The following ACVRL1 variants were observed in gnomAD, a reference collection of about 807,000 sequenced individuals.
The protein encoded by ACVRL1 is activin A receptor like type 1, also known as activin receptor type-1-like.
ACVRL1 carries 20 observed loss-of-function variants against 51.9 expected under a neutral mutation model. The ratio of observed to expected loss-of-function variants is 0.39; its 90% CI spans 0.27 to 0.56. The LOEUF (loss-of-function observed/expected upper bound fraction) is 0.56. Among genes scored for constraint, ACVRL1 ranks in the 20% least tolerant of loss-of-function variants. The probability of loss-of-function intolerance (pLI) is 0.67; values close to 1 mark genes in which losing one functional copy is unlikely to be tolerated. For missense variants in ACVRL1, 451 were observed against 670.3 expected (o/e 0.67, Z 3.61); for synonymous variants, 288 against 280.9 (o/e 1.03, Z -0.25).
rs777861050 is a variant in ACVRL1 at position 51,918,936 on chromosome 12, G to A, written c.1247-49G>A. ...AAAGGCTCTCCTCTGGGTGGTATTG[G>A]GCCTCCTTAGAGTCCCAAGTGATTG... On this transcript the variant is annotated intron_variant, in intron 8 of 9. Transcript: ENST00000388922. The A allele has an allele frequency of 3.1e-6, 5 of 1,613,992 alleles. No individual in the cohort carries two copies. In the African/African-American group the frequency reaches 4.0e-5, roughly 13 times the overall value.
At chr12:51,908,938 G>C (rs772175657) in intron 1 of ACVRL1, among the ~76,000 whole-genome samples, 2 of 152,120 alleles carry the variant, frequency 1.3e-5, no homozygotes, top group African/African-American at 2.4e-5. Context: ...GCATCACCTG[G>C]ATGTTCCACT....
rs779236098 is a variant in ACVRL1, at chr12:51,912,483, G to A, written c.9G>A (p.Leu3=). The A allele has an allele frequency of 7.9e-5, 127 of 1,614,022 alleles. No homozygotes were observed. The Middle Eastern group carries it at 1.8e-3, about 23-fold the overall frequency. MT[L]GSPRKGLLML... is the part of the protein sequence containing the mutation. The stretch of plus-strand genomic sequence containing the variant: ...TCCTCTCTGCAGGGACCATGACCTT[G>A]GGCTCCCCCAGGAAAGGCCTTCTGA... Residue 3 remains leucine (L), a synonymous_variant, in exon 2 of 10, where the codon TTG becomes TTA. Transcript: ENST00000388922.
Position 51,912,552 on chromosome 12 carries a change from C to A in ACVRL1, c.61+17C>A, listed in dbSNP as rs1230259119. The A allele has an allele frequency of 1.3e-6, 2 of 1,595,914 alleles. No homozygotes were observed. Among genetic ancestry groups the A allele is most frequent in the Admixed American group, 3.3e-5 (2 of 59,968 alleles). On this transcript the variant is annotated intron_variant, in intron 2 of 9. Coordinates refer to ENST00000388922, the MANE Select transcript of ACVRL1 (RefSeq NM_000020.3). Reference sequence around the variant, plus strand: ...TGACCCAGGGTGAGTACTGGGGGAGCAGTTAGGAAACAGGAACCTGGATAC... The same window carrying A: ...TGACCCAGGGTGAGTACTGGGGGAGAAGTTAGGAAACAGGAACCTGGATAC...
chr12:51,908,593 C>T (rs922039687), intron 1 of ACVRL1, among the ~76,000 whole-genome samples: 7 of 152,266 alleles, frequency 4.6e-5, no homozygotes, highest in Admixed American at 1.3e-4. Flanking sequence ...GAAAAGGAAA[C>T]AGACATGAAT....
rs1319559991 is a variant in ACVRL1, at chr12:51,923,027, G to A, written c.*2134G>A. The A allele has an allele frequency of 1.3e-5, 2 of 152,630 alleles. No homozygotes were observed. The highest frequency in any genetic ancestry group is 1.3e-4 in the Admixed American group (2 of 15,276). 9.5% of individuals were successfully genotyped at this position (152,630 alleles called of 1,614,324 possible). A position where few individuals can be genotyped will look rare whatever the true frequency, so the allele number is the denominator to read the frequency against. On this transcript the variant is annotated 3_prime_UTR_variant, in exon 10 of 10. Coordinates refer to ENST00000388922, the MANE Select transcript of ACVRL1 (RefSeq NM_000020.3). ...CCCACGAATCATCTCCCTCTTGAAG[G>A]ATTTTATTTCTACTGGGTTTTGGAA... is the stretch of plus-strand genomic sequence containing the variant.
At chr12:51,915,098 ACC>A in intron 6 of ACVRL1, 125 bp from the exon 7 acceptor site, 1 of 1,049,658 alleles carries the variant, frequency 9.5e-7, no homozygotes, top group Non-Finnish European at 1.4e-6. Flanking sequence ...ATCAACCCCC[ACC>A]CCCAGACCTA....
Position 51,912,516 on chromosome 12 carries a change from G to T in ACVRL1, c.42G>T (p.Leu14=). 6.2e-7 allele frequency: 1 copy of T among 1,614,038 alleles called. No homozygotes were observed. The highest frequency in any genetic ancestry group is 8.5e-7 in the Non-Finnish European group (1 of 1,179,882). The change falls in exon 2 of 10, where the codon CTG becomes CTT. Residue 14 remains leucine, a synonymous_variant. Coordinates refer to ENST00000388922, the MANE Select transcript of ACVRL1 (RefSeq NM_000020.3). The part of the protein sequence containing the change: ...GSPRKGLLML[L]MALVTQGDPV... ...CCAGGAAAGGCCTTCTGATGCTGCT[G>T]ATGGCCTTGGTGACCCAGGGTGAGT...
chr12:51,922,539 A>G lies in ACVRL1; in HGVS notation c.*1646A>G, dbSNP rs1941008228. ...TCAATGGCTCTAGAGAGACACACAG[A>G]AAGTTTGGCATTTGGAAATTTCAAG... is the stretch of plus-strand genomic sequence containing the variant. On this transcript the variant is annotated 3_prime_UTR_variant, in exon 10 of 10. Transcript: ENST00000388922. The G allele has an allele frequency of 6.6e-6, 1 of 152,310 alleles. No homozygotes were observed. Among genetic ancestry groups the G allele is most frequent in the Non-Finnish European group, 1.5e-5 (1 of 68,094 alleles). 9.4% of individuals were successfully genotyped at this position (152,310 alleles called of 1,614,324 possible). A position where few individuals can be genotyped will look rare whatever the true frequency, so the allele number is the denominator to read the frequency against.
chr12:51,907,525 C>A lies in ACVRL1; in HGVS notation c.-176C>A, dbSNP rs1182669441. ...CCATCCCAGTCCCGGGAGGCTGCCG[C>A]GCCAGCTGCGCCGAGCGAGCCCCTC... On this transcript the variant is annotated 5_prime_UTR_variant, in exon 1 of 10. Transcript: ENST00000388922. The surrounding 1 kb of genome is among the most constrained non-coding windows in gnomAD (Gnocchi z 4.5). The A allele has an allele frequency of 1.3e-5, 2 of 152,150 alleles. No homozygotes were observed. Among genetic ancestry groups the A allele is most frequent in the African/African-American group, 4.8e-5 (2 of 41,550 alleles). The allele number at this position is 152,150 out of a possible 1,614,324, so 9.4% of individuals were successfully genotyped here.
chr12:51,915,004 A>G (rs1940795842), intron 6 of ACVRL1, among the ~76,000 whole-genome samples: 1 of 152,062 alleles, frequency 6.6e-6, no homozygotes, highest in Non-Finnish European at 1.5e-5. Flanking sequence ...TTGGCCTCCC[A>G]AAGTGTTGGG....
Position 51,915,437 on chromosome 12 carries a change from C to T in ACVRL1, c.985C>T (p.Arg329Cys). Residue 329 changes from arginine (R) to cysteine (C), a missense_variant, in exon 7 of 10, where the codon CGC (arginine) becomes TGC (cysteine). Physicochemically the swap from Arg to Cys is radical, Grantham distance 180. This residue lies in a region of ACVRL1 where 259 missense variants were observed against 453.4 expected (regional missense o/e 0.57). Transcript: ENST00000388922. The stretch of plus-strand genomic sequence containing the variant: ...ACAGGGCAAACCAGCCATTGCCCAC[C>T]GCGACTTCAAGAGCCGCAATGTGCT... The part of the protein sequence containing the change: ...GTQGKPAIAH[R>C]DFKSRNVLVK... 1 of 1,613,692 alleles carries T rather than the reference C, an allele frequency of 6.2e-7. No individual in the cohort carries two copies. Among genetic ancestry groups the T allele is most frequent in the African/African-American group, 1.3e-5 (1 of 75,050 alleles).
At position 51,919,064 on chromosome 12, in the gene ACVRL1, G is replaced by A. The variant is rs1026802871; in HGVS notation, c.1326G>A (p.Val442=). 1 of 1,614,088 alleles carries A rather than the reference G, an allele frequency of 6.2e-7. No individual in the cohort carries two copies. The highest frequency in any genetic ancestry group is 8.5e-7 in the Non-Finnish European group (1 of 1,180,046). Residue 442 remains valine, a synonymous_variant, in exon 9 of 10, where the codon GTG becomes GTA. Transcript: ENST00000388922. ...DPSFEDMKKV[V]CVDQQTPTIP... ...GCTTTGAGGACATGAAGAAGGTGGTGTGTGTGGATCAGCAGACCCCCACCA... is the reference window on the plus strand; with the variant it reads ...GCTTTGAGGACATGAAGAAGGTGGTATGTGTGGATCAGCAGACCCCCACCA...
Position 51,913,711 on chromosome 12 carries a change from G to C in ACVRL1, c.466G>C (p.Glu156Gln). The C allele has an allele frequency of 6.2e-7, 1 of 1,611,972 alleles. No individual in the cohort carries two copies. Among genetic ancestry groups the C allele is most frequent in the East Asian group, 2.2e-5 (1 of 44,884 alleles). Residue 156 changes from glutamate to glutamine, a missense_variant, in exon 4 of 10, where the codon GAG becomes CAG. Transcript: ENST00000388922. ...RQEKQRGLHS[E>Q]LGESSLILKA... Reference sequence around the variant, plus strand: ...GGAGAAGCAGCGTGGCCTGCACAGCGAGCTGGGAGAGTCCAGTCTCATCCT... The same window carrying C: ...GGAGAAGCAGCGTGGCCTGCACAGCCAGCTGGGAGAGTCCAGTCTCATCCT...
chr12:51,908,071 C>T (rs187357462), intron 1 of ACVRL1, among the ~76,000 whole-genome samples: 10 of 152,344 alleles, frequency 6.6e-5, no homozygotes, highest in Admixed American at 6.5e-4. Flanking sequence ...GAGTGAATGC[C>T]TACTTCCACA....
rs759941527 is a variant in ACVRL1 at position 51,913,584 on chromosome 12, G to A, written c.339G>A (p.Pro113=). ...CCACCCAACCTCCTTCGGAGCAGCCGGGAACAGATGGCCAGCTGGCCCTGA... is the reference window on the plus strand; with the variant it reads ...CCACCCAACCTCCTTCGGAGCAGCCAGGAACAGATGGCCAGCTGGCCCTGA... The part of the protein sequence containing the change: ...LEATQPPSEQ[P]GTDGQLALIL... The change falls in exon 4 of 10, where the codon CCG becomes CCA. Residue 113 remains proline, a synonymous_variant. Coordinates refer to ENST00000388922, the MANE Select transcript of ACVRL1 (RefSeq NM_000020.3). The A allele has an allele frequency of 6.9e-6, 11 of 1,599,416 alleles. No homozygotes were observed. Among genetic ancestry groups the A allele is most frequent in the Admixed American group, 6.7e-5 (4 of 59,990 alleles).
rs1446899717 is a variant in ACVRL1, at chr12:51,915,218, C to T, written c.773-7C>T. On this transcript the variant is annotated splice_region_variant and splice_polypyrimidine_tract_variant and intron_variant, in intron 6 of 9. Transcript: ENST00000388922. Reference sequence around the variant, plus strand: ...TTGGCTGAGTCACCCAACCTTTCTGCACACAGGCTTCATCGCCTCAGACAT... The same window carrying T: ...TTGGCTGAGTCACCCAACCTTTCTGTACACAGGCTTCATCGCCTCAGACAT... 23 of 1,613,922 alleles carry T rather than the reference C, an allele frequency of 1.4e-5. No individual in the cohort carries two copies. Among genetic ancestry groups the T allele is most frequent in the Non-Finnish European group, 1.9e-5 (23 of 1,180,048 alleles).
chr12:51,914,644 C>T (rs1258870393), intron 6 of ACVRL1, 59 bp downstream of exon 6: 3 of 1,565,710 alleles, frequency 1.9e-6, no homozygotes, highest in African/African-American at 1.4e-5. Context: ...ACTCAGGGCT[C>T]AAGTTTGCAG....
chr12:51,916,140 A>C lies in ACVRL1; in HGVS notation c.1153A>C (p.Ile385Leu), dbSNP rs1205407812. Residue 385 changes from isoleucine (I) to leucine (L), a missense_variant, in exon 8 of 10, where the codon ATC becomes CTC. By Grantham distance (5) the Ile-to-Leu change is conservative. Transcript: ENST00000388922. Reference sequence around the variant, plus strand: ...GGCACCCGAGGTGCTGGACGAGCAGATCCGCACGGACTGCTTTGAGTCCTA... The same window carrying C: ...GGCACCCGAGGTGCTGGACGAGCAGCTCCGCACGGACTGCTTTGAGTCCTA... ...YMAPEVLDEQIRTDCFESYKW... is the reference protein window; with the variant it reads ...YMAPEVLDEQLRTDCFESYKW... 13 of 1,614,176 alleles carry C rather than the reference A, an allele frequency of 8.1e-6. No homozygotes were observed. The highest frequency in any genetic ancestry group is 1.0e-5 in the Non-Finnish European group (12 of 1,180,028).
In ACVRL1 at chr12:51,922,995, C is replaced by T. The variant is rs1941018674; in HGVS notation, c.*2102C>T. On this transcript the variant is annotated 3_prime_UTR_variant, in exon 10 of 10. Coordinates refer to ENST00000388922, the MANE Select transcript of ACVRL1 (RefSeq NM_000020.3). ...TGCACGTCCTCTGGTCACTGGAATC[C>T]ACCCAGCCCACGAATCATCTCCCTC... 1.3e-5 allele frequency: 2 copies of T among 152,628 alleles called. No individual in the cohort carries two copies. The allele number at this position is 152,628 out of a possible 1,614,324, so 9.5% of individuals were successfully genotyped here. A position where few individuals can be genotyped will look rare whatever the true frequency, so the allele number is the denominator to read the frequency against.
Sources: gnomAD v4.1 joint callset for allele counts (sites outside exome capture counted in the v4.1 genomes callset) on GRCh38, gnomAD v4.1.1 for gene constraint, gnomAD v4.1.1 regional missense constraint, Gnocchi (gnomAD v3.1) non-coding constraint, MANE v1.5 for transcripts, NCBI Gene and HGNC (gene_info 2026-07-23, HGNC 2026-07-21) for gene names.